PRKG1: variants seen among roughly 807,000 people sequenced by gnomAD.
PRKG1 encodes the protein protein kinase cGMP-dependent 1.
In PRKG1, 35 loss-of-function variants were observed where a neutral mutation model predicts 88.1. The observed-to-expected ratio is 0.40, with a 90% CI of 0.30 to 0.53. The LOEUF (loss-of-function observed/expected upper bound fraction) is 0.53. Among genes scored for constraint, PRKG1 ranks in the 20% least tolerant of loss-of-function variants. PRKG1 has a pLI of 0.59. For synonymous variants in PRKG1, 303 were observed against 292.5 expected (o/e 1.04, Z -0.37); for missense variants, 540 against 839.8 (o/e 0.64, Z 4.41).
intron 2 of PRKG1, among the ~76,000 whole-genome samples, chr10:51,467,306 TC>T (rs1344189356): frequency 6.6e-6 from 1 of 151,986 alleles, no homozygotes; most frequent in Non-Finnish European, 1.5e-5. Flanking sequence ...TCAAAGTAAT[TC>T]CCCTCTTCAT....
intron 2 of PRKG1, among the ~76,000 whole-genome samples, chr10:51,216,979 T>C (rs947816254): frequency 1.3e-5 from 2 of 152,108 alleles, no homozygotes; most frequent in African/African-American, 4.8e-5. Context: ...AAAACATAAA[T>C]CTAGCCTGGT....
rs190647126 is a variant in PRKG1, at chr10:51,923,965, C to G, written c.762+16395C>G. On this transcript the variant is annotated intron_variant, in intron 5 of 17. Coordinates refer to ENST00000373980, the MANE Select transcript of PRKG1 (RefSeq NM_006258.4). ...CACCTAGGTCTCTTGAGTAGCTGGA[C>G]CACAGGTGTGCACCATCACACCCAG... is the stretch of plus-strand genomic sequence containing the variant. 3.2e-4 allele frequency among the ~76,000 whole-genome samples: 48 copies of G among 151,824 alleles called. No homozygotes were observed. In the East Asian group the frequency reaches 8.8e-3, roughly 28 times the overall value.
At chr10:51,478,385 C>A (rs534738400) in intron 3 of PRKG1, among the ~76,000 whole-genome samples, 2 of 152,164 alleles carry the variant, frequency 1.3e-5, no homozygotes, top group South Asian at 4.1e-4. Context: ...CACATTCCTT[C>A]TGGGTAAAGC....
At chr10:52,197,903 C>T (rs1171371480) in intron 9 of PRKG1, among the ~76,000 whole-genome samples, 1 of 152,144 alleles carries the variant, frequency 6.6e-6, no homozygotes, top group Non-Finnish European at 1.5e-5. Flanking sequence ...TATGCCTTTT[C>T]TGGTCACTAG....
At chr10:51,475,026 T>C (rs914410525) in intron 3 of PRKG1, among the ~76,000 whole-genome samples, 3 of 152,004 alleles carry the variant, frequency 2.0e-5, no homozygotes, top group Non-Finnish European at 4.4e-5. Flanking sequence ...TTGTCCCTGA[T>C]TTTCCAGTTG....
rs1347896876 is a variant in PRKG1 at position 52,068,028 on chromosome 10, C to A, written c.935+5397C>A. ...GACCATCCTGGCTAACACGGTGAAA[C>A]CCCGTCTCTACTAAAAATACAAAAA... On this transcript the variant is annotated intron_variant, in intron 7 of 17. Coordinates refer to ENST00000373980, the MANE Select transcript of PRKG1 (RefSeq NM_006258.4). Among the ~76,000 whole-genome samples the A allele has an allele frequency of 6.5e-5, 9 of 138,042 alleles. 1 individual carries two copies. The highest frequency in any genetic ancestry group is 1.0e-4 in the African/African-American group (4 of 39,180). 90.6% of individuals were successfully genotyped at this position (138,042 alleles called of 152,430 possible). A position where few individuals can be genotyped will look rare whatever the true frequency, so the allele number is the denominator to read the frequency against.
intron 7 of PRKG1, among the ~76,000 whole-genome samples, chr10:52,072,334 AACAAAACAAAACAAT>A: frequency 6.6e-6 from 1 of 151,854 alleles, no homozygotes; most frequent in South Asian, 2.1e-4. Context: ...GGCTGTCCAA[AACAAAACAAAACAAT>A]ACAAAACAAA....
intron 1 of PRKG1, among the ~76,000 whole-genome samples, chr10:51,100,571 C>T (rs1416990432): frequency 6.6e-6 from 1 of 152,166 alleles, no homozygotes; most frequent in Non-Finnish European, 1.5e-5. Context: ...GCTGTGACTG[C>T]CAATAAGCAT....
At chr10:51,238,918 A>AT (rs927850196) in intron 2 of PRKG1, among the ~76,000 whole-genome samples, 44 of 150,110 alleles carry the variant, frequency 2.9e-4, no homozygotes, top group East Asian at 1.9e-3. Context: ...AATAATTTTT[A>AT]TTTTTTTTTT....
At chr10:52,005,215 A>G (rs542648966) in intron 5 of PRKG1, among the ~76,000 whole-genome samples, 1 of 150,478 alleles carries the variant, frequency 6.6e-6, no homozygotes, top group Non-Finnish European at 1.5e-5. Flanking sequence ...CAATATAGCA[A>G]TGTGGCTTAT....
chr10:51,066,328 ATCCT>A (rs1843748958), intron 1 of PRKG1, among the ~76,000 whole-genome samples: 1 of 152,126 alleles, frequency 6.6e-6, no homozygotes, highest in African/African-American at 2.4e-5. Flanking sequence ...GGCAAGGCTA[ATCCT>A]TCCTGTAGGC....
At chr10:52,174,899 C>T (rs919442821) in intron 9 of PRKG1, among the ~76,000 whole-genome samples, 2 of 151,784 alleles carry the variant, frequency 1.3e-5, no homozygotes, top group African/African-American at 2.4e-5. Flanking sequence ...TTCATATGTA[C>T]GGGGTATATA....
chr10:51,090,336 G>A (rs901072157), intron 1 of PRKG1, among the ~76,000 whole-genome samples: 5 of 152,164 alleles, frequency 3.3e-5, no homozygotes, highest in African/African-American at 4.8e-5. Flanking sequence ...AGGTCCTGGA[G>A]TAGAGCCCAA....
chr10:52,190,749 T>C (rs778024771), intron 9 of PRKG1, among the ~76,000 whole-genome samples: 5 of 152,166 alleles, frequency 3.3e-5, no homozygotes, highest in South Asian at 2.1e-4. Context: ...AACCTTGTTA[T>C]TATGAAAATT....
At chr10:51,206,530 C>T (rs1838066292) in intron 2 of PRKG1, among the ~76,000 whole-genome samples, 1 of 151,458 alleles carries the variant, frequency 6.6e-6, no homozygotes, top group Admixed American at 6.6e-5. Context: ...AAAGTATTTT[C>T]AGTTTTCTTA....
At chr10:51,141,876 CTTCTCTGAAATATTATAAT>C (rs1845829306) in intron 1 of PRKG1, among the ~76,000 whole-genome samples, 1 of 152,142 alleles carries the variant, frequency 6.6e-6, no homozygotes. Context: ...TATATTCAGA[CTTCTCTGAAATATTATAAT>C]TTCTCTGAAA....
At chr10:51,891,784 A>G (rs10762473) in intron 4 of PRKG1, among the ~76,000 whole-genome samples, 74,475 of 152,056 alleles carry the variant, frequency 0.49, 18,514 homozygotes, top group Middle Eastern at 0.53. Context: ...AAGCATGACT[A>G]TATTTCAATA....
chr10:52,052,176 A>G (rs1015322632), intron 5 of PRKG1, among the ~76,000 whole-genome samples: 1 of 152,146 alleles, frequency 6.6e-6, no homozygotes, highest in African/African-American at 2.4e-5. Context: ...ATATTAGACA[A>G]TACAGTTATA....
chr10:51,103,708 A>G (rs576147760), intron 1 of PRKG1, among the ~76,000 whole-genome samples: 1 of 152,190 alleles, frequency 6.6e-6, no homozygotes, highest in African/African-American at 2.4e-5. Context: ...GGAAGTGTCA[A>G]GCTTCAGGAG....
Sources: gnomAD v4.1 joint callset for allele counts (sites outside exome capture counted in the v4.1 genomes callset) on GRCh38, gnomAD v4.1.1 for gene constraint, MANE v1.5 for transcripts, NCBI Gene and HGNC (gene_info 2026-07-23, HGNC 2026-07-21) for gene names.